The following AJUBA variants were observed in gnomAD, a reference collection of about 807,000 sequenced individuals.
AJUBA encodes the protein LIM domain-containing protein ajuba.
Under a neutral mutation model 53.3 loss-of-function variants are expected in AJUBA, and 20 were observed. The observed-to-expected ratio is 0.38, with a 90% confidence interval of 0.26 to 0.55. The LOEUF is 0.55. Among genes scored for constraint, AJUBA ranks in the 20% least tolerant of loss-of-function variants. The pLI, the probability that AJUBA is intolerant of heterozygous loss-of-function variation, is 0.80. For synonymous variants in AJUBA, 296 were observed against 306.2 expected (o/e 0.97, Z 0.35); for missense variants, 580 against 730.5 (o/e 0.79, Z 2.38).
chr14:22,981,029 C>G (rs565625500), intron 1 of AJUBA, among the ~76,000 whole-genome samples: 1 of 152,220 alleles, frequency 6.6e-6, no homozygotes, highest in East Asian at 1.9e-4. Flanking sequence ...AACGGACTCA[C>G]GAGATACCAG....
intron 7 of AJUBA, 113 bp from the exon 8 acceptor site, chr14:22,973,681 G>T: frequency 7.0e-7 from 1 of 1,426,672 alleles, no homozygotes; most frequent in East Asian, 2.3e-5. Flanking sequence ...GAAAGGGATG[G>T]GGTGGGAAGG....
chr14:22,980,707 G>C (rs962875412), intron 1 of AJUBA: 1 of 984,226 alleles, frequency 1.0e-6, no homozygotes, highest in Non-Finnish European at 1.2e-6. Flanking sequence ...GCGTATGCTA[G>C]GGAGCGTCCC....
intron 2 of AJUBA, 140 bp downstream of exon 2, chr14:22,978,204 C>T: frequency 2.6e-6 from 2 of 766,172 alleles, no homozygotes; most frequent in Non-Finnish European, 4.3e-6. Flanking sequence ...AGCTGCGGAC[C>T]TCCAGACACT....
At chr14:22,977,111 T>G in intron 2 of AJUBA, 9 of 1,026,076 alleles carry the variant, frequency 8.8e-6, no homozygotes, top group Non-Finnish European at 9.4e-6. Context: ...TAACAGGCCT[T>G]TCCCTCTGGG....
At chr14:22,974,469 C>A (rs905252717) in intron 6 of AJUBA, among the ~76,000 whole-genome samples, 5 of 152,180 alleles carry the variant, frequency 3.3e-5, no homozygotes, top group African/African-American at 1.2e-4. Flanking sequence ...CTTTTGGTTT[C>A]TCTCCATAGG....
chr14:22,980,924 G>C (rs1225145422), intron 1 of AJUBA, among the ~76,000 whole-genome samples: 1 of 152,064 alleles, frequency 6.6e-6, no homozygotes, highest in African/African-American at 2.4e-5. Flanking sequence ...GTGAAAGGGG[G>C]GAGCAAGTTG....
At position 22,982,527 on chromosome 14, in the gene AJUBA, T is replaced by C. The variant is rs1026727828; in HGVS notation, c.-261A>G. The stretch of plus-strand genomic sequence containing the variant: ...CGGCTGTCCAGTCCGCAGGTCTATC[T>C]GTTCACGCGTCGACTCGCCCGACTG... On this transcript the variant is annotated 5_prime_UTR_variant, in exon 1 of 8. Transcript: ENST00000262713. 2 of 1,337,180 alleles carry C rather than the reference T, an allele frequency of 1.5e-6. No homozygotes were observed. Among genetic ancestry groups the C allele is most frequent in the Non-Finnish European group, 9.6e-7 (1 of 1,046,326 alleles). 82.8% of individuals were successfully genotyped at this position (1,337,180 alleles called of 1,614,324 possible).
Position 22,981,979 on chromosome 14 carries a change from G to C in AJUBA, c.288C>G (p.Thr96=). ...EGSFPAGPPP[T]RALPLPQSLP... is the part of the protein sequence containing the mutation. The stretch of plus-strand genomic sequence containing the variant: ...ACGACTGAGGTAGAGGCAAGGCCCG[G>C]GTGGGCGGCGGCCCCGCGGGAAAAG... Residue 96 remains threonine, a synonymous_variant, in exon 1 of 8, where the codon ACC becomes ACG. Transcript: ENST00000262713. 6.3e-7 allele frequency: 1 copy of C among 1,577,782 alleles called. No homozygotes were observed. Among genetic ancestry groups the C allele is most frequent in the African/African-American group, 1.4e-5 (1 of 73,222 alleles).
rs765312504 is a variant in AJUBA at position 22,981,285 on chromosome 14, G to T, written c.982C>A (p.Pro328Thr). The T allele has an allele frequency of 1.2e-6, 2 of 1,610,672 alleles. No individual in the cohort carries two copies. Among genetic ancestry groups the T allele is most frequent in the African/African-American group, 2.7e-5 (2 of 74,840 alleles). The change falls in exon 1 of 8, where the codon CCA (proline) becomes ACA (threonine). Residue 328 changes from proline (P) to threonine (T), a missense_variant. Transcript: ENST00000262713. ...CCGAAGTAGTCCTCCCTGGCCTCTG[G>T]CTCCCGCATCCGGGCCCGGGCGGCC... Reference protein sequence around the residue: ...PEAARARMREPEAREDYFGTC... With the variant: ...PEAARARMRETEAREDYFGTC...
At chr14:22,978,824 C>A in intron 1 of AJUBA, 1 of 1,229,592 alleles carries the variant, frequency 8.1e-7, no homozygotes. Context: ...GTCAAAGATG[C>A]CAGTCCACAG....
intron 6 of AJUBA, 162 bp downstream of exon 6, chr14:22,974,672 TATTAG>T: frequency 1.4e-6 from 1 of 716,896 alleles, no homozygotes; most frequent in Non-Finnish European, 2.2e-6. Context: ...CAGGCCCGGA[TATTAG>T]GGTCAGGGTG....
Position 22,973,346 on chromosome 14 carries a change from G to T in AJUBA, c.*97C>A. 1 of 1,514,528 alleles carries T rather than the reference G, an allele frequency of 6.6e-7. No homozygotes were observed. The highest frequency in any genetic ancestry group is 8.9e-7 in the Non-Finnish European group (1 of 1,121,084). The allele number at this position is 1,514,528 out of a possible 1,614,324, so 93.8% of individuals were successfully genotyped here. On this transcript the variant is annotated 3_prime_UTR_variant, in exon 8 of 8. Coordinates refer to ENST00000262713, the MANE Select transcript of AJUBA (RefSeq NM_032876.6). ...CCTCCCCAGAGGACTCTTCTGCCAG[G>T]CCTGCAGAGTGCATTCTTTGCCTTG... is the stretch of plus-strand genomic sequence containing the variant.
In AJUBA at chr14:22,982,120, G is replaced by A; in HGVS notation, c.147C>T (p.Pro49=). Residue 49 remains proline (P), a synonymous_variant, in exon 1 of 8, where the codon CCC becomes CCT. Transcript: ENST00000262713. ...SGLGGPRKSG[P]RGATGGPGDE... is the part of the protein sequence containing the mutation. ...CCCCAGGTCCCCCAGTAGCTCCTCGGGGCCCTGACTTCCTAGGTCCCCCCA... is the reference window on the plus strand; with the variant it reads ...CCCCAGGTCCCCCAGTAGCTCCTCGAGGCCCTGACTTCCTAGGTCCCCCCA... The A allele has an allele frequency of 6.2e-7, 1 of 1,602,480 alleles. No individual in the cohort carries two copies. Among genetic ancestry groups the A allele is most frequent in the Non-Finnish European group, 8.5e-7 (1 of 1,175,438 alleles).
At position 22,979,668 on chromosome 14, in the gene AJUBA, C is replaced by T. The variant is rs896574224; in HGVS notation, c.1007-1223G>A. ...AAGATCTGCCCCAAGATTGCCATGC[C>T]AGGGGGTCCTGTCGGAGCCATTCTT... On this transcript the variant is annotated intron_variant, in intron 1 of 7. Transcript: ENST00000262713. This position sits in a 1 kb window ranked among gnomAD's most constrained non-coding sequence, Gnocchi z 4.0. Among the ~76,000 whole-genome samples, 4 of 152,176 alleles carry T rather than the reference C, an allele frequency of 2.6e-5. No individual in the cohort carries two copies. The highest frequency in any genetic ancestry group is 7.2e-5 in the African/African-American group (3 of 41,430).
intron 2 of AJUBA, 46 bp from the exon 3 acceptor site, chr14:22,976,758 T>C: frequency 6.2e-7 from 1 of 1,603,372 alleles, no homozygotes; most frequent in Non-Finnish European, 8.5e-7. Flanking sequence ...ACAGCCCAGG[T>C]GCAAGACTTC....
At position 22,982,144 on chromosome 14, in the gene AJUBA, C is replaced by G. The variant is rs559493478; in HGVS notation, c.123G>C (p.Leu41Phe). 2.9e-5 allele frequency: 46 copies of G among 1,610,210 alleles called. No individual in the cohort carries two copies. In the Middle Eastern group the frequency reaches 8.3e-4, roughly 29 times the overall value. The change falls in exon 1 of 8, where the codon TTG becomes TTC. Residue 41 changes from leucine to phenylalanine, a missense_variant. Around this residue, in one of 2 missense-constraint regions of AJUBA, gnomAD observed 430 missense variants for 471.5 expected, o/e 0.91. Coordinates refer to ENST00000262713, the MANE Select transcript of AJUBA (RefSeq NM_032876.6). ...GGGGCCCTGACTTCCTAGGTCCCCC[C>G]AACCCACTTAGGCGCCCCTTGCCCG... Reference protein sequence around the residue: ...PGPGKGRLSGLGGPRKSGPRG... With the variant: ...PGPGKGRLSGFGGPRKSGPRG...
intron 2 of AJUBA, 21 bp from the exon 3 acceptor site, chr14:22,976,733 G>C: frequency 1.2e-6 from 2 of 1,612,384 alleles, no homozygotes; most frequent in African/African-American, 1.3e-5. Context: ...TAGAGAAGGG[G>C]CTGGAACCTA....
Position 22,979,243 on chromosome 14 carries a change from C to A in AJUBA, c.1007-798G>T, listed in dbSNP as rs924696857. The A allele has an allele frequency of 5.3e-5, 37 of 697,652 alleles. No individual in the cohort carries two copies. Among genetic ancestry groups the A allele is most frequent in the Non-Finnish European group, 6.5e-5 (37 of 567,468 alleles). 43.2% of individuals were successfully genotyped at this position (697,652 alleles called of 1,614,324 possible). On this transcript the variant is annotated intron_variant, in intron 1 of 7. Coordinates refer to ENST00000262713, the MANE Select transcript of AJUBA (RefSeq NM_032876.6). This position sits in a 1 kb window ranked among gnomAD's most constrained non-coding sequence, Gnocchi z 4.0. ...GGGACTTGCCTTTCCTGGGTGTGTT[C>A]TTCCCTCCCTCCACTCCCCAATTCC...
At chr14:22,974,146 A>G (rs779856335) in intron 6 of AJUBA, 31 bp from the exon 7 acceptor site, 1 of 1,611,796 alleles carries the variant, frequency 6.2e-7, no homozygotes, top group Non-Finnish European at 8.5e-7. Context: ...TGGAGATGAG[A>G]GCAGCATGTT....
Sources: allele counts gnomAD v4.1 joint callset (sites outside exome capture counted in the v4.1 genomes callset), GRCh38; gene constraint gnomAD v4.1.1; regional missense constraint gnomAD v4.1.1; non-coding constraint Gnocchi (gnomAD v3.1); transcripts MANE v1.5; gene names NCBI Gene and HGNC (gene_info 2026-07-23, HGNC 2026-07-21).